The following KCNQ5 variants were observed in gnomAD, a reference collection of about 807,000 sequenced individuals.
The protein encoded by KCNQ5 is potassium voltage-gated channel subfamily KQT member 5.
Under a neutral mutation model 98.2 loss-of-function variants are expected in KCNQ5, and 30 were observed. The observed-to-expected ratio is 0.31, with a 90% CI of 0.23 to 0.41. The LOEUF is 0.41. Ranked by LOEUF, KCNQ5 falls within the 10% of genes least tolerant of loss-of-function variation. The probability of loss-of-function intolerance (pLI) is 1.00; values close to 1 mark genes in which losing one functional copy is unlikely to be tolerated. For missense variants in KCNQ5, 835 were observed against 1,182.5 expected (o/e 0.71, Z 4.31); for synonymous variants, 458 against 449.4 (o/e 1.02, Z -0.24).
chr6:72,670,419 C>A (rs986867185), intron 1 of KCNQ5, among the ~76,000 whole-genome samples: 4 of 152,172 alleles, frequency 2.6e-5, no homozygotes, highest in African/African-American at 9.7e-5. Flanking sequence ...GCTCTTGCAG[C>A]CTCTACCCAT....
At chr6:72,744,530 G>A (rs568700349) in intron 1 of KCNQ5, among the ~76,000 whole-genome samples, 2 of 152,188 alleles carry the variant, frequency 1.3e-5, no homozygotes, top group African/African-American at 2.4e-5. Context: ...TGGTAAGAGG[G>A]CCAGGCACGG....
chr6:73,000,141 C>T (rs886128071), intron 1 of KCNQ5, among the ~76,000 whole-genome samples: 6 of 152,028 alleles, frequency 3.9e-5, no homozygotes, highest in Non-Finnish European at 8.8e-5. Context: ...TGCATACATG[C>T]GCACAGGATC....
chr6:72,650,922 C>T (rs1205531960), intron 1 of KCNQ5, among the ~76,000 whole-genome samples: 4 of 151,882 alleles, frequency 2.6e-5, no homozygotes, highest in African/African-American at 9.6e-5. Context: ...CAGAGGGGGT[C>T]GTGTTTAAAT....
intron 1 of KCNQ5, among the ~76,000 whole-genome samples, chr6:72,845,141 T>C (rs1157453984): frequency 2.0e-5 from 3 of 152,230 alleles, no homozygotes; most frequent in African/African-American, 7.2e-5. Context: ...GTACTTCTAA[T>C]ATTGCCCACT....
intron 1 of KCNQ5, among the ~76,000 whole-genome samples, chr6:72,887,576 G>T (rs1390713150): frequency 2.6e-5 from 4 of 152,090 alleles, no homozygotes; most frequent in African/African-American, 9.7e-5. Flanking sequence ...TATTTAATTT[G>T]CACATTAAAT....
At chr6:72,772,451 T>C (rs6453603) in intron 1 of KCNQ5, among the ~76,000 whole-genome samples, 82,048 of 151,818 alleles carry the variant, frequency 0.54, 22,589 homozygotes, top group Middle Eastern at 0.62. Flanking sequence ...CTTTATACAC[T>C]AAGAAGAGAA....
intron 1 of KCNQ5, among the ~76,000 whole-genome samples, chr6:72,701,141 T>C (rs1454045193): frequency 6.6e-6 from 1 of 152,226 alleles, no homozygotes; most frequent in African/African-American, 2.4e-5. Context: ...ATAAATTGTA[T>C]TTTGGTGTAC....
At chr6:72,748,338 TG>T in intron 1 of KCNQ5, among the ~76,000 whole-genome samples, 1 of 152,282 alleles carries the variant, frequency 6.6e-6, no homozygotes, top group Non-Finnish European at 1.5e-5. Flanking sequence ...AACTGTGCCC[TG>T]GGTTCTTTTT....
At chr6:72,673,138 G>A (rs1197875593) in intron 1 of KCNQ5, among the ~76,000 whole-genome samples, 1 of 152,180 alleles carries the variant, frequency 6.6e-6, no homozygotes, top group Non-Finnish European at 1.5e-5. Flanking sequence ...CCTGGGGATA[G>A]CTAACCTCCA....
At chr6:73,167,309 C>T (rs1415557572) in intron 10 of KCNQ5, among the ~76,000 whole-genome samples, 1 of 152,222 alleles carries the variant, frequency 6.6e-6, no homozygotes, top group African/African-American at 2.4e-5. Flanking sequence ...CATCAGGCAA[C>T]ACACACGTGT....
chr6:72,874,774 G>A (rs1308477124), intron 1 of KCNQ5, among the ~76,000 whole-genome samples: 1 of 152,134 alleles, frequency 6.6e-6, no homozygotes. Flanking sequence ...CCTAGCCCAT[G>A]TGCTTCATTG....
chr6:72,781,722 C>A (rs1048000257), intron 1 of KCNQ5, among the ~76,000 whole-genome samples: 8 of 151,774 alleles, frequency 5.3e-5, no homozygotes, highest in African/African-American at 1.2e-4. Flanking sequence ...TACTTTATAA[C>A]CAAAACAATT....
At chr6:73,171,036 T>C (rs1034245692) in intron 11 of KCNQ5, among the ~76,000 whole-genome samples, 2 of 152,214 alleles carry the variant, frequency 1.3e-5, no homozygotes, top group African/African-American at 4.8e-5. Context: ...TACTTCTGTT[T>C]TTAGTTGGTC....
intron 1 of KCNQ5, among the ~76,000 whole-genome samples, chr6:72,788,931 T>C (rs1773891147): frequency 6.6e-6 from 1 of 152,176 alleles, no homozygotes. Context: ...TAGCTGTAGG[T>C]ATTGAAGGAT....
intron 1 of KCNQ5, among the ~76,000 whole-genome samples, chr6:72,715,281 C>T (rs1217375806): frequency 1.3e-5 from 2 of 152,144 alleles, no homozygotes; most frequent in African/African-American, 4.8e-5. Flanking sequence ...AGAACTCACT[C>T]AGCGTTTGTA....
chr6:73,059,698 T>C (rs549818160), intron 3 of KCNQ5, among the ~76,000 whole-genome samples: 31 of 152,286 alleles, frequency 2.0e-4, no homozygotes, highest in African/African-American at 7.2e-4. Flanking sequence ...TGTTTTTCTA[T>C]GAAAATTTTT....
intron 12 of KCNQ5, among the ~76,000 whole-genome samples, chr6:73,190,978 T>C (rs965683994): frequency 6.6e-6 from 1 of 152,226 alleles, no homozygotes; most frequent in African/African-American, 2.4e-5. Context: ...TTGAACAAGT[T>C]AATGCATGTA....
chr6:72,642,058 G>A (rs1449912389), intron 1 of KCNQ5, among the ~76,000 whole-genome samples: 1 of 151,116 alleles, frequency 6.6e-6, no homozygotes, highest in Non-Finnish European at 1.5e-5. Context: ...GCTTGGGGAA[G>A]GGAAGGGGGA....
intron 10 of KCNQ5, chr6:73,158,004 GGTTCTCTGGGTTTAAT>G: frequency 1.4e-6 from 1 of 734,538 alleles, no homozygotes; most frequent in Non-Finnish European, 2.5e-6. Context: ...GATCAAGTAG[GGTTCTCTGGGTTTAAT>G]GTCCATGGGG....
Sources: allele counts gnomAD v4.1 joint callset (sites outside exome capture counted in the v4.1 genomes callset), GRCh38; gene constraint gnomAD v4.1.1; transcripts MANE v1.5; gene names NCBI Gene and HGNC (gene_info 2026-07-23, HGNC 2026-07-21).